Variants in SENP7 observed in about 807,000 individuals in gnomAD.
SENP7 encodes sentrin-specific protease 7.
Under a neutral mutation model 141.2 loss-of-function variants are expected in SENP7, and 64 were observed. That is an observed-to-expected ratio of 0.45 (90% CI 0.37 to 0.56). The LOEUF (loss-of-function observed/expected upper bound fraction) is 0.56. SENP7 is among the 20% of genes least tolerant of loss of function. The pLI is 0.00. For synonymous variants in SENP7, 382 were observed against 426.4 expected (o/e 0.90, Z 1.28); for missense variants, 1,025 against 1,212.2 (o/e 0.85, Z 2.29).
At chr3:101,332,527 G>A (rs2059084015) in intron 18 of SENP7, among the ~76,000 whole-genome samples, 1 of 151,576 alleles carries the variant, frequency 6.6e-6, no homozygotes, top group South Asian at 2.1e-4. Context: ...CAATGTCTCA[G>A]TCATTATAGT....
intron 5 of SENP7, among the ~76,000 whole-genome samples, chr3:101,402,237 C>T (rs1487208690): frequency 6.6e-6 from 1 of 152,118 alleles, no homozygotes; most frequent in Non-Finnish European, 1.5e-5. Flanking sequence ...GAAAGACAGG[C>T]TGACTCTCTT....
intron 4 of SENP7, among the ~76,000 whole-genome samples, chr3:101,425,526 A>C (rs1161373920): frequency 6.6e-6 from 1 of 152,208 alleles, no homozygotes; most frequent in African/African-American, 2.4e-5. Flanking sequence ...TAGCAACTTC[A>C]AAGACTGAAG....
intron 4 of SENP7, among the ~76,000 whole-genome samples, chr3:101,440,537 C>T (rs1487796644): frequency 1.5e-5 from 2 of 135,208 alleles, no homozygotes; most frequent in Admixed American, 1.5e-4. Flanking sequence ...TGCCAAATCC[C>T]CCTCTGTGAG....
chr3:101,497,098 T>C lies in SENP7; in HGVS notation c.91-3130A>G, dbSNP rs544688415. ...ATAAATTACGGGATTAAGAAATAAGTAAATATATTGTAGATAATGAGAGAC... is the reference window on the plus strand; with the variant it reads ...ATAAATTACGGGATTAAGAAATAAGCAAATATATTGTAGATAATGAGAGAC... On this transcript the variant is annotated intron_variant, in intron 2 of 23. Transcript: ENST00000394095. 2.1e-3 allele frequency among the ~76,000 whole-genome samples: 322 copies of C among 152,164 alleles called. 2 individuals carry two copies. The highest frequency in any genetic ancestry group is 7.1e-3 in the African/African-American group (296 of 41,522).
chr3:101,333,705 A>G (rs2059114446), intron 17 of SENP7, among the ~76,000 whole-genome samples: 1 of 152,148 alleles, frequency 6.6e-6, no homozygotes, highest in African/African-American at 2.4e-5. Flanking sequence ...TTATTTCTTC[A>G]ACAAATATTT....
At chr3:101,381,189 G>T (rs933520255) in intron 6 of SENP7, among the ~76,000 whole-genome samples, 1 of 152,222 alleles carries the variant, frequency 6.6e-6, no homozygotes, top group African/African-American at 2.4e-5. Flanking sequence ...TTAATAGAAG[G>T]TGAACATTTG....
intron 4 of SENP7, among the ~76,000 whole-genome samples, chr3:101,448,543 G>A (rs889865739): frequency 6.7e-6 from 1 of 149,846 alleles, no homozygotes; most frequent in Non-Finnish European, 1.5e-5. Context: ...AGCAGATGTT[G>A]CTGCCTGATC....
chr3:101,502,203 G>A (rs1186764503), intron 1 of SENP7, among the ~76,000 whole-genome samples: 2 of 152,230 alleles, frequency 1.3e-5, no homozygotes, highest in East Asian at 3.8e-4. Flanking sequence ...ACACGCATCT[G>A]TGAGATATGC....
At chr3:101,496,176 T>A (rs1418964505) in intron 2 of SENP7, among the ~76,000 whole-genome samples, 2 of 152,180 alleles carry the variant, frequency 1.3e-5, no homozygotes, top group Non-Finnish European at 2.9e-5. Context: ...TGGCCTTAAT[T>A]CACCCAGTGA....
intron 6 of SENP7, among the ~76,000 whole-genome samples, chr3:101,396,907 G>C (rs755110524): frequency 6.6e-6 from 1 of 152,062 alleles, no homozygotes; most frequent in South Asian, 2.1e-4. Context: ...GCAATGGTGC[G>C]GTCTCAGCTC....
intron 4 of SENP7, among the ~76,000 whole-genome samples, chr3:101,444,434 C>T (rs1311959083): frequency 1.3e-5 from 2 of 152,036 alleles, no homozygotes; most frequent in Non-Finnish European, 2.9e-5. Flanking sequence ...TATAAAGACA[C>T]ATGCACACGT....
chr3:101,396,592 AT>A (rs2060974594), intron 6 of SENP7, among the ~76,000 whole-genome samples: 1 of 152,168 alleles, frequency 6.6e-6, no homozygotes, highest in East Asian at 1.9e-4. Flanking sequence ...GAAAAATAAC[AT>A]TTTTGTGAGG....
chr3:101,348,363 A>G (rs191514966), intron 12 of SENP7, among the ~76,000 whole-genome samples: 2 of 152,286 alleles, frequency 1.3e-5, no homozygotes, highest in East Asian at 3.9e-4. Context: ...TTGAGATTAA[A>G]TATTCATAGC....
chr3:101,499,535 A>ATTTTTTTTTTT (rs55855998), intron 2 of SENP7, among the ~76,000 whole-genome samples: 55 of 138,756 alleles, frequency 4.0e-4, no homozygotes, highest in Middle Eastern at 3.8e-3. Flanking sequence ...TGCCCAGCTA[A>ATTTTTTTTTTT]TTTTTTTTTT....
chr3:101,416,548 G>A lies in SENP7; in HGVS notation c.482+1045C>T, dbSNP rs532027014. On this transcript the variant is annotated intron_variant, in intron 5 of 23. Transcript: ENST00000394095. ...AAATCTGCTAGAACATAGAATGAGA[G>A]CAAGCTGCTTCATAAATTACTGATG... Among the ~76,000 whole-genome samples the A allele has an allele frequency of 1.6e-4, 24 of 152,296 alleles. No individual in the cohort carries two copies. In the South Asian group the frequency reaches 2.1e-3, roughly 13 times the overall value.
At chr3:101,480,119 C>G (rs1342517595) in intron 3 of SENP7, among the ~76,000 whole-genome samples, 2 of 151,954 alleles carry the variant, frequency 1.3e-5, no homozygotes, top group African/African-American at 2.4e-5. Flanking sequence ...TCTACAGATT[C>G]AATGCAATCC....
chr3:101,463,385 A>G (rs2063639274), intron 3 of SENP7, among the ~76,000 whole-genome samples: 1 of 92,642 alleles, frequency 1.1e-5, no homozygotes, highest in Non-Finnish European at 2.1e-5. Flanking sequence ...ATATATATAT[A>G]TATATATATA....
chr3:101,503,578 T>A (rs942485497), intron 1 of SENP7, among the ~76,000 whole-genome samples: 2 of 152,360 alleles, frequency 1.3e-5, no homozygotes, highest in East Asian at 3.9e-4. Context: ...GGAAACCAGA[T>A]GCAGAAGAGT....
At position 101,417,784 on chromosome 3, in the gene SENP7, G is replaced by A. The variant is rs375745572; in HGVS notation, c.291C>T (p.Leu97=). The part of the protein sequence containing the change: ...VTSKSSPERQ[L]KVMLTNVLWT... ...ATAGGACATTCGTCAACATAACTTTGAGTTGCCTGTTATACACATAAATAA... is the reference window on the plus strand; with the variant it reads ...ATAGGACATTCGTCAACATAACTTTAAGTTGCCTGTTATACACATAAATAA... The change falls in exon 5 of 24, where the codon CTC becomes CTT. Residue 97 remains leucine (L), a synonymous_variant. Transcript: ENST00000394095. 6.2e-7 allele frequency: 1 copy of A among 1,612,804 alleles called. No homozygotes were observed. Among genetic ancestry groups the A allele is most frequent in the African/African-American group, 1.3e-5 (1 of 74,978 alleles).
Sources: allele counts gnomAD v4.1 joint callset (sites outside exome capture counted in the v4.1 genomes callset), GRCh38; gene constraint gnomAD v4.1.1; transcripts MANE v1.5; gene names NCBI Gene and HGNC (gene_info 2026-07-23, HGNC 2026-07-21).